Variants in RGS6 observed in about 807,000 individuals in gnomAD.
RGS6 encodes the protein regulator of G protein signaling 6.
RGS6 carries 30 observed loss-of-function variants against 78.5 expected under a neutral mutation model. That is an observed-to-expected ratio of 0.38 (90% confidence interval 0.29 to 0.52). The LOEUF is 0.52. Among genes scored for constraint, RGS6 ranks in the 20% least tolerant of loss-of-function variants. The pLI, the probability that RGS6 is intolerant of heterozygous loss-of-function variation, is 0.85. For missense variants in RGS6, 495 were observed against 609.7 expected (o/e 0.81, Z 1.98); for synonymous variants, 206 against 206.0 (o/e 1.00, Z 0.00).
At chr14:72,364,824 CA>C (rs1333163254) in intron 3 of RGS6, among the ~76,000 whole-genome samples, 1 of 152,120 alleles carries the variant, frequency 6.6e-6, no homozygotes, top group East Asian at 1.9e-4. Flanking sequence ...AGCTTCTTTC[CA>C]AAGATGATAT....
chr14:71,946,090 T>A (rs903928416), intron 1 of RGS6, among the ~76,000 whole-genome samples: 1 of 152,288 alleles, frequency 6.6e-6, no homozygotes, highest in African/African-American at 2.4e-5. Context: ...AAAGGACGCA[T>A]TCACAAAGAA....
intron 2 of RGS6, among the ~76,000 whole-genome samples, chr14:72,202,925 T>C (rs928754383): frequency 6.4e-4 from 98 of 152,098 alleles, no homozygotes; most frequent in African/African-American, 2.3e-3. Flanking sequence ...CAGGCTGGAG[T>C]GCAGTGGCGC....
In RGS6 at chr14:71,946,764, T is replaced by A. The variant is rs192380989; in HGVS notation, c.-21+13823T>A. Among the ~76,000 whole-genome samples the A allele has an allele frequency of 5.3e-5, 8 of 152,194 alleles. No homozygotes were observed. In the East Asian group the frequency reaches 1.5e-3, roughly 29 times the overall value. On this transcript the variant is annotated intron_variant, in intron 1 of 17. Coordinates refer to ENST00000553525, the MANE Select transcript of RGS6 (RefSeq NM_001204424.2). ...AATGTAAACAAAATTATACAGGTGA[T>A]CAAATGCAAGGAATGTGCAAAGAAT...
intron 2 of RGS6, among the ~76,000 whole-genome samples, chr14:72,070,401 C>A (rs776317372): frequency 3.3e-5 from 5 of 152,190 alleles, no homozygotes; most frequent in Non-Finnish European, 7.3e-5. Flanking sequence ...ACTCGCACTG[C>A]AAACTCATAT....
rs558475351 is a variant in RGS6 at position 72,363,630 on chromosome 14, T to A, written c.184+11436T>A. On this transcript the variant is annotated intron_variant, in intron 3 of 17. Transcript: ENST00000553525. ...TTGAAATAGAGCAGAGGGTAACTCA[T>A]CCAAAATGGATACACCTTAATATCA... Among the ~76,000 whole-genome samples, 31 of 152,290 alleles carry A rather than the reference T, an allele frequency of 2.0e-4. No homozygotes were observed. The East Asian group carries it at 5.4e-3, about 27-fold the overall frequency.
intron 3 of RGS6, among the ~76,000 whole-genome samples, chr14:72,434,715 C>T (rs1342571562): frequency 6.6e-6 from 1 of 152,146 alleles, no homozygotes; most frequent in Non-Finnish European, 1.5e-5. Flanking sequence ...ATATAGAAGG[C>T]CCTCATGTTG....
intron 2 of RGS6, among the ~76,000 whole-genome samples, chr14:72,252,569 T>C (rs980791539): frequency 1.3e-5 from 2 of 152,202 alleles, no homozygotes; most frequent in African/African-American, 4.8e-5. Flanking sequence ...AAGTGTTAAT[T>C]AGTAATCCCA....
At chr14:72,576,639 G>A in the RGS6 span, among the ~76,000 whole-genome samples, 1 of 152,196 alleles carries the variant, frequency 6.6e-6, no homozygotes, top group Non-Finnish European at 1.5e-5. Context: ...TGTGATACTT[G>A]TTCTTTGAGC....
At chr14:71,927,318 TAAAAC>T in the RGS6 span, among the ~76,000 whole-genome samples, 6 of 152,222 alleles carry the variant, frequency 3.9e-5, no homozygotes, top group Non-Finnish European at 7.3e-5. Flanking sequence ...TTCCAAGTCT[TAAAAC>T]ATAACTATTC....
chr14:71,884,786 T>G, the RGS6 span, among the ~76,000 whole-genome samples: 2 of 152,152 alleles, frequency 1.3e-5, no homozygotes, highest in African/African-American at 4.8e-5. Flanking sequence ...ATCCACAGAC[T>G]TTCTTGAAAT....
chr14:72,193,918 T>G (rs2039364599), intron 2 of RGS6, among the ~76,000 whole-genome samples: 1 of 152,288 alleles, frequency 6.6e-6, no homozygotes, highest in African/African-American at 2.4e-5. Context: ...GAGTTCATGC[T>G]GCTCATATCT....
At chr14:72,548,873 C>T (rs1011238032) in intron 17 of RGS6, among the ~76,000 whole-genome samples, 1 of 152,216 alleles carries the variant, frequency 6.6e-6, no homozygotes, top group African/African-American at 2.4e-5. Flanking sequence ...CAACAATAGA[C>T]TATGTCCCCT....
chr14:72,126,814 T>C (rs1215708420), intron 2 of RGS6, among the ~76,000 whole-genome samples: 1 of 152,206 alleles, frequency 6.6e-6, no homozygotes, highest in African/African-American at 2.4e-5. Context: ...GCAGCTTTTG[T>C]TGGCTTGCTT....
chr14:72,148,412 G>A (rs1436515511), intron 2 of RGS6, among the ~76,000 whole-genome samples: 1 of 151,998 alleles, frequency 6.6e-6, no homozygotes, highest in Non-Finnish European at 1.5e-5. Context: ...AAAAATGAGG[G>A]TTTTATTCAA....
At chr14:72,071,848 G>A (rs2094418996) in intron 2 of RGS6, among the ~76,000 whole-genome samples, 2 of 152,246 alleles carry the variant, frequency 1.3e-5, no homozygotes, top group Admixed American at 1.3e-4. Flanking sequence ...TTTTCACGAT[G>A]TCTTGTATTA....
At chr14:72,125,797 C>T (rs2096176235) in intron 2 of RGS6, among the ~76,000 whole-genome samples, 1 of 152,022 alleles carries the variant, frequency 6.6e-6, no homozygotes, top group Non-Finnish European at 1.5e-5. Flanking sequence ...GAGTTTTTGT[C>T]CTCTGATGTC....
At position 72,136,559 on chromosome 14, in the gene RGS6, T is replaced by C. The variant is rs118105009; in HGVS notation, c.84+171684T>C. On this transcript the variant is annotated intron_variant, in intron 2 of 17. Coordinates refer to ENST00000553525, the MANE Select transcript of RGS6 (RefSeq NM_001204424.2). The stretch of plus-strand genomic sequence containing the variant: ...AAAGGAGAAACCCCTTATAAAACCG[T>C]AAGATTTCACGAGACTTACTCATTT... Among the ~76,000 whole-genome samples the C allele has an allele frequency of 3.9e-4, 59 of 152,118 alleles. 1 individual carries two copies. The East Asian group carries it at 0.011, about 29-fold the overall frequency.
the RGS6 span, among the ~76,000 whole-genome samples, chr14:72,589,712 G>A: frequency 7.2e-5 from 11 of 152,080 alleles, no homozygotes; most frequent in Non-Finnish European, 1.5e-4. Context: ...TGCATTATTA[G>A]AGCAATCACA....
intron 2 of RGS6, among the ~76,000 whole-genome samples, chr14:72,091,742 C>T (rs1023385745): frequency 2.0e-5 from 3 of 152,118 alleles, no homozygotes; most frequent in African/African-American, 7.2e-5. Context: ...GGTTCTAAAT[C>T]GTTTTCTGCA....
Sources: gnomAD v4.1 joint callset for allele counts (sites outside exome capture counted in the v4.1 genomes callset) on GRCh38, gnomAD v4.1.1 for gene constraint, MANE v1.5 for transcripts, NCBI Gene and HGNC (gene_info 2026-07-23, HGNC 2026-07-21) for gene names.